PHF24: variants seen among roughly 807,000 people sequenced by gnomAD.
The protein encoded by PHF24 is Galpha inhibitory interacting protein.
PHF24 carries 25 observed loss-of-function variants against 42.6 expected under a neutral mutation model. That is an observed-to-expected ratio of 0.59 (90% CI 0.43 to 0.82). The LOEUF is 0.82. PHF24 is among the 40% of genes least tolerant of loss of function. The pLI, the probability that PHF24 is intolerant of heterozygous loss-of-function variation, is 0.00. For synonymous variants in PHF24, 185 were observed against 204.8 expected, an observed-to-expected ratio of 0.90 and a Z score of 0.83; for missense variants, 470 against 538.1, an observed-to-expected ratio of 0.87 and a Z score of 1.25.
At chr9:34,709,734 C>T in the PHF24 span, 1 of 1,613,756 alleles carries the variant, frequency 6.2e-7, no homozygotes, top group Non-Finnish European at 8.5e-7. Flanking sequence ...ATGCCCTCCC[C>T]ACCCCGTCAC....
upstream of PHF24, among the ~76,000 whole-genome samples, chr9:34,956,380 C>A (rs1304391449): frequency 6.6e-6 from 1 of 152,216 alleles, no homozygotes; most frequent in Non-Finnish European, 1.5e-5. Context: ...CTGCCTCAGC[C>A]TCCCGAGTAG....
At chr9:34,695,617 G>A in the PHF24 span, among the ~76,000 whole-genome samples, 2 of 152,130 alleles carry the variant, frequency 1.3e-5, no homozygotes, top group African/African-American at 2.4e-5. Context: ...TCAACTTGTG[G>A]GATCTGATGC....
the PHF24 span, chr9:34,837,025 GC>G: frequency 2.1e-6 from 1 of 469,700 alleles, no homozygotes; most frequent in Non-Finnish European, 4.4e-6. Context: ...ATCACCACAG[GC>G]CAGGCTGGTG....
the PHF24 span, among the ~76,000 whole-genome samples, chr9:34,797,406 G>A: frequency 6.6e-6 from 1 of 152,124 alleles, no homozygotes; most frequent in Admixed American, 6.5e-5. Flanking sequence ...GGATCACACC[G>A]GGGCTTGGAA....
At chr9:34,891,896 A>G in the PHF24 span, among the ~76,000 whole-genome samples, 1 of 152,292 alleles carries the variant, frequency 6.6e-6, no homozygotes, top group East Asian at 1.9e-4. Flanking sequence ...ACTTAGCCTG[A>G]GTCAGATATA....
At chr9:34,835,567 G>A in the PHF24 span, 8 of 1,551,764 alleles carry the variant, frequency 5.2e-6, no homozygotes, top group Non-Finnish European at 7.0e-6. Context: ...GGTTTCCCTG[G>A]ACAAGGCTGG....
At chr9:34,767,424 C>G in the PHF24 span, among the ~76,000 whole-genome samples, 3 of 152,268 alleles carry the variant, frequency 2.0e-5, no homozygotes, top group Non-Finnish European at 2.9e-5. Context: ...GCCCCTCCCC[C>G]AGCCTCGCTG....
the PHF24 span, among the ~76,000 whole-genome samples, chr9:34,682,440 G>A: frequency 2.6e-5 from 4 of 152,154 alleles, no homozygotes; most frequent in East Asian, 5.8e-4. Context: ...TGTCTTTCGG[G>A]GGGGTGAATT....
At chr9:34,703,983 G>T in the PHF24 span, among the ~76,000 whole-genome samples, 2 of 151,346 alleles carry the variant, frequency 1.3e-5, no homozygotes, top group Non-Finnish European at 2.9e-5. Flanking sequence ...CTCCCAAAGT[G>T]CTGGGATTAT....
At chr9:34,810,222 A>G in the PHF24 span, among the ~76,000 whole-genome samples, 2 of 152,024 alleles carry the variant, frequency 1.3e-5, no homozygotes, top group African/African-American at 4.8e-5. Flanking sequence ...GTGGCCGTGG[A>G]CAGTACTCCG....
At chr9:34,860,861 A>G in the PHF24 span, among the ~76,000 whole-genome samples, 1 of 152,252 alleles carries the variant, frequency 6.6e-6, no homozygotes, top group Admixed American at 6.5e-5. Context: ...GGCAAAGTAC[A>G]TGCACAAACT....
chr9:34,892,284 A>G, the PHF24 span, among the ~76,000 whole-genome samples: 1 of 152,160 alleles, frequency 6.6e-6, no homozygotes, highest in Non-Finnish European at 1.5e-5. Context: ...AAAACCCTGA[A>G]AGCTTAGGTG....
the PHF24 span, among the ~76,000 whole-genome samples, chr9:34,739,797 G>C: frequency 1.3e-5 from 2 of 152,220 alleles, no homozygotes; most frequent in South Asian, 4.2e-4. Context: ...GCTGCTGGCT[G>C]GGGCAGCCTG....
the PHF24 span, among the ~76,000 whole-genome samples, chr9:34,882,309 A>G: frequency 6.6e-6 from 1 of 152,130 alleles, no homozygotes; most frequent in African/African-American, 2.4e-5. Context: ...GCACAAGACA[A>G]GGATGCCCTC....
At chr9:34,910,438 G>A in the PHF24 span, among the ~76,000 whole-genome samples, 1 of 152,188 alleles carries the variant, frequency 6.6e-6, no homozygotes, top group Non-Finnish European at 1.5e-5. Context: ...ATTTCTAAGA[G>A]AGTAGATTTT....
At chr9:34,689,842 A>G in the PHF24 span, 2 of 1,614,086 alleles carry the variant, frequency 1.2e-6, no homozygotes, top group Non-Finnish European at 1.7e-6. The surrounding 1 kb of genome is among the most constrained non-coding windows in gnomAD (Gnocchi z 4.1). Flanking sequence ...CGCTTCATCT[A>G]GAGGAGGAAG....
the PHF24 span, among the ~76,000 whole-genome samples, chr9:34,894,849 G>A: frequency 6.6e-6 from 1 of 152,148 alleles, no homozygotes; most frequent in Non-Finnish European, 1.5e-5. Context: ...ATAAGATAGA[G>A]AATTTTTTAA....
the PHF24 span, among the ~76,000 whole-genome samples, chr9:34,669,629 G>A: frequency 1.3e-5 from 2 of 151,568 alleles, no homozygotes; most frequent in South Asian, 4.2e-4. Context: ...GGGTCCATGA[G>A]TGTGTGTGGA....
At chr9:34,843,994 G>T in the PHF24 span, among the ~76,000 whole-genome samples, 1 of 152,092 alleles carries the variant, frequency 6.6e-6, no homozygotes, top group Non-Finnish European at 1.5e-5. Flanking sequence ...GATCTGTTCA[G>T]ATTTTCTATT....
Sources: gnomAD v4.1 joint callset for allele counts (sites outside exome capture counted in the v4.1 genomes callset) on GRCh38, gnomAD v4.1.1 for gene constraint, Gnocchi (gnomAD v3.1) non-coding constraint, MANE v1.5 for transcripts, NCBI Gene and HGNC (gene_info 2026-07-23, HGNC 2026-07-21) for gene names.